The following RFWD3 variants were observed in gnomAD, a reference collection of about 807,000 sequenced individuals.
RFWD3 encodes ring finger and WD repeat domain 3.
In RFWD3, 65 loss-of-function variants were observed where a neutral mutation model predicts 87.7. That is an observed-to-expected ratio of 0.74 (90% confidence interval 0.61 to 0.91). The LOEUF is 0.91. Among genes scored for constraint, RFWD3 ranks in the 40% least tolerant of loss-of-function variants. The pLI is 0.00. For synonymous variants in RFWD3, 433 were observed against 352.8 expected (o/e 1.23, Z -2.55); for missense variants, 1,078 against 938.5 (o/e 1.15, Z -1.94).
intron 11 of RFWD3, among the ~76,000 whole-genome samples, chr16:74,627,630 G>T (rs1212969110): frequency 6.6e-6 from 1 of 152,146 alleles, no homozygotes; most frequent in East Asian, 1.9e-4. Flanking sequence ...CTATCTCAAG[G>T]GAAATGAACT....
At chr16:74,631,169 G>C (rs985978122) in intron 9 of RFWD3, among the ~76,000 whole-genome samples, 11 of 152,128 alleles carry the variant, frequency 7.2e-5, no homozygotes, top group African/African-American at 2.7e-4. Flanking sequence ...TTTTCCTCTT[G>C]AGTTCTAAGG....
rs987582997 is a variant in RFWD3 at position 74,656,352 on chromosome 16, G to C, written c.519-4230C>G. 4.2e-5 allele frequency among the ~76,000 whole-genome samples: 6 copies of C among 144,232 alleles called. No individual in the cohort carries two copies. In the South Asian group the frequency reaches 8.9e-4, roughly 21 times the overall value. 94.6% of individuals were successfully genotyped at this position (144,232 alleles called of 152,430 possible). A position where few individuals can be genotyped will look rare whatever the true frequency, so the allele number is the denominator to read the frequency against. ...AAAAAGAAAAGAAAAGAAATATTTTGTTGTGACTCTTAGCTGTGGGGAAAA... is the reference window on the plus strand; with the variant it reads ...AAAAAGAAAAGAAAAGAAATATTTTCTTGTGACTCTTAGCTGTGGGGAAAA... On this transcript the variant is annotated intron_variant, in intron 2 of 12. Transcript: ENST00000361070.
intron 9 of RFWD3, among the ~76,000 whole-genome samples, 188 bp downstream of exon 9, chr16:74,632,335 T>C (rs1959125000): frequency 1.3e-5 from 2 of 151,666 alleles, no homozygotes; most frequent in South Asian, 4.2e-4. Context: ...GAGCTTGCAG[T>C]GAGCCGAGAT....
At position 74,637,915 on chromosome 16, in the gene RFWD3, A is replaced by G. The variant is rs1445586470; in HGVS notation, c.1135T>C (p.Cys379Arg). 4 of 1,612,804 alleles carry G rather than the reference A, an allele frequency of 2.5e-6. No homozygotes were observed. In the South Asian group the frequency reaches 4.4e-5, roughly 18 times the overall value. Residue 379 changes from cysteine to arginine, a missense_variant, in exon 7 of 13, where the codon TGC becomes CGC. Cys to Arg is a radical substitution (Grantham distance 180). Coordinates refer to ENST00000361070, the MANE Select transcript of RFWD3 (RefSeq NM_018124.4). The part of the protein sequence containing the change: ...RKQAELESAQ[C>R]RLQLQVLTDK... The stretch of plus-strand genomic sequence containing the variant: ...GTGAGGACCTGCAGTTGGAGTCGGC[A>G]CTGTGCTGATTCTAACTCGGCCTGT...
At position 74,623,386 on chromosome 16, in the gene RFWD3, T is replaced by C. The variant is rs536749558; in HGVS notation, c.*542A>G. The C allele has an allele frequency of 6.5e-5, 10 of 152,786 alleles. No individual in the cohort carries two copies. The highest frequency in any genetic ancestry group is 2.2e-4 in the African/African-American group (9 of 41,450). 9.5% of individuals were successfully genotyped at this position (152,786 alleles called of 1,614,324 possible). On this transcript the variant is annotated 3_prime_UTR_variant, in exon 13 of 13. Transcript: ENST00000361070. Reference sequence around the variant, plus strand: ...GGAGATGAGACAAGTTACTAAAAGATTGTCAGCCTTCAAGGTCAGAAATAA... The same window carrying C: ...GGAGATGAGACAAGTTACTAAAAGACTGTCAGCCTTCAAGGTCAGAAATAA...
At chr16:74,666,107 G>A (rs921667045) in intron 1 of RFWD3, among the ~76,000 whole-genome samples, 1 of 152,018 alleles carries the variant, frequency 6.6e-6, no homozygotes, top group African/African-American at 2.4e-5. Context: ...AAGGGAGAGA[G>A]GGAAAGAAGG....
At chr16:74,633,702 C>T (rs1959168403) in intron 8 of RFWD3, among the ~76,000 whole-genome samples, 1 of 152,150 alleles carries the variant, frequency 6.6e-6, no homozygotes, top group African/African-American at 2.4e-5. Context: ...GTAATCCCAG[C>T]ACTTTGGGAG....
chr16:74,621,548 A>T lies in RFWD3; in HGVS notation c.*2380T>A, dbSNP rs1958767813. On this transcript the variant is annotated 3_prime_UTR_variant, in exon 13 of 13. Coordinates refer to ENST00000361070, the MANE Select transcript of RFWD3 (RefSeq NM_018124.4). ...AGACATTTTGAGTTCGTTTAACTCC[A>T]AATCCTCAAGTGGGGAAAAAAACTT... 1 of 152,204 alleles carries T rather than the reference A, an allele frequency of 6.6e-6. No individual in the cohort carries two copies. Among genetic ancestry groups the T allele is most frequent in the African/African-American group, 2.4e-5 (1 of 41,448 alleles). The allele number at this position is 152,204 out of a possible 1,614,324, so 9.4% of individuals were successfully genotyped here.
At position 74,661,382 on chromosome 16, in the gene RFWD3, G is replaced by C. The variant is rs367986631; in HGVS notation, c.68C>G (p.Pro23Arg). Reference protein sequence around the residue: ...QLNHAEQQPAPAGMASSQGGP... With the variant: ...QLNHAEQQPARAGMASSQGGP... ...CCCTTGGCTGCTGGCCATGCCAGCA[G>C]GAGCTGGCTGTTGTTCGGCATGATT... Residue 23 changes from proline (P) to arginine (R), a missense_variant, in exon 2 of 13, where the codon CCT (proline) becomes CGT (arginine). Transcript: ENST00000361070. The C allele has an allele frequency of 3.7e-6, 6 of 1,614,022 alleles. No individual in the cohort carries two copies. In the East Asian group the frequency reaches 8.9e-5, roughly 24 times the overall value.
rs777137273 is a variant in RFWD3 at position 74,628,573 on chromosome 16, T to C, written c.1848A>G (p.Ser616=). The C allele has an allele frequency of 1.2e-6, 2 of 1,614,128 alleles. No homozygotes were observed. The change falls in exon 11 of 13, where the codon TCA becomes TCG. Residue 616 remains serine, a synonymous_variant. Coordinates refer to ENST00000361070, the MANE Select transcript of RFWD3 (RefSeq NM_018124.4). The part of the protein sequence containing the change: ...GVLAGTLEDA[S]FWEQKMDFSH... ...AAAAGTCCATTTTCTGTTCCCAGAA[T>C]GAAGCATCCTCCAAGGTTCCAGCCA...
rs747052087 is a variant in RFWD3, at chr16:74,628,547, G to A, written c.1874C>T (p.Ser625Phe). ...ASFWEQKMDF[S>F]HWPHVLPLEP... ...CAAGGGCAGCACATGAGGCCAATGAGAAAAGTCCATTTTCTGTTCCCAGAA... is the reference window on the plus strand; with the variant it reads ...CAAGGGCAGCACATGAGGCCAATGAAAAAAGTCCATTTTCTGTTCCCAGAA... The change falls in exon 11 of 13, where the codon TCT (serine) becomes TTT (phenylalanine). Residue 625 changes from serine (S) to phenylalanine (F), a missense_variant. Transcript: ENST00000361070. The A allele has an allele frequency of 3.1e-6, 5 of 1,614,184 alleles. No homozygotes were observed. Among genetic ancestry groups the A allele is most frequent in the Non-Finnish European group, 4.2e-6 (5 of 1,180,036 alleles).
intron 3 of RFWD3, among the ~76,000 whole-genome samples, chr16:74,649,555 T>C (rs1178080831): frequency 6.6e-6 from 1 of 152,214 alleles, no homozygotes; most frequent in Non-Finnish European, 1.5e-5. Flanking sequence ...TAAAATGTCA[T>C]TATACTTGCA....
chr16:74,657,363 T>C (rs1485842916), intron 2 of RFWD3, among the ~76,000 whole-genome samples: 3 of 152,198 alleles, frequency 2.0e-5, no homozygotes, highest in Non-Finnish European at 4.4e-5. Context: ...GTTTCCTGAA[T>C]TATGAAAAAG....
At chr16:74,632,488 A>G (rs780771060) in intron 9 of RFWD3, 35 bp downstream of exon 9, 33 of 1,609,764 alleles carry the variant, frequency 2.0e-5, no homozygotes, top group Non-Finnish European at 2.8e-5. Context: ...AACACCAAAG[A>G]GCCCAGTCTC....
chr16:74,628,468 A>G lies in RFWD3; in HGVS notation c.1953T>C (p.Leu651=), dbSNP rs981646585. ...FQTENSSRHC[L]VTYRPDKNHT... is the part of the protein sequence containing the mutation. ...ACTACTTACCAGGCCTGTAGGTCACAAGACAGTGCCGGGAGCTGTTCTCTG... is the reference window on the plus strand; with the variant it reads ...ACTACTTACCAGGCCTGTAGGTCACGAGACAGTGCCGGGAGCTGTTCTCTG... Residue 651 remains leucine (L), a synonymous_variant, in exon 11 of 13, where the codon CTT becomes CTC. Transcript: ENST00000361070. 5 of 1,613,984 alleles carry G rather than the reference A, an allele frequency of 3.1e-6. No individual in the cohort carries two copies. The African/African-American group carries it at 6.7e-5, about 22-fold the overall frequency.
chr16:74,646,091 G>C (rs1960119502), intron 4 of RFWD3, among the ~76,000 whole-genome samples: 1 of 152,162 alleles, frequency 6.6e-6, no homozygotes, highest in Non-Finnish European at 1.5e-5. Context: ...ATTGTTCCAA[G>C]CAGGCCAGGT....
intron 12 of RFWD3, among the ~76,000 whole-genome samples, chr16:74,626,085 G>C (rs952456351): frequency 4.6e-5 from 7 of 152,154 alleles, no homozygotes; most frequent in African/African-American, 1.7e-4. Flanking sequence ...TACTCAGGAG[G>C]CTGAGGCAGG....
Position 74,636,456 on chromosome 16 carries a change from T to A in RFWD3, c.1316A>T (p.Gln439Leu). 6.2e-7 allele frequency: 1 copy of A among 1,614,184 alleles called. No homozygotes were observed. The highest frequency in any genetic ancestry group is 8.5e-7 in the Non-Finnish European group (1 of 1,180,036). ...QGQHKHKYHF[Q>L]KTFTVSQAGN... ...TGCCTGAGATACTGTGAAGGTCTTT[T>A]GGAAGTGGTACTTGTGCTTGTGCTG... Residue 439 changes from glutamine (Q) to leucine (L), a missense_variant, in exon 8 of 13, where the codon CAA becomes CTA. Gln to Leu is a moderately radical substitution (Grantham distance 113). Transcript: ENST00000361070.
Position 74,661,350 on chromosome 16 carries a change from C to A in RFWD3, c.100G>T (p.Ala34Ser). The change falls in exon 2 of 13, where the codon GCC (alanine) becomes TCC (serine). Residue 34 changes from alanine (A) to serine (S), a missense_variant. By Grantham distance (99) the Ala-to-Ser change is moderately conservative (BLOSUM62 1). Coordinates refer to ENST00000361070, the MANE Select transcript of RFWD3 (RefSeq NM_018124.4). Reference sequence around the variant, plus strand: ...TCAGCAGGAACAGGCTGGAGGAGGGCTGGTCCCCCTTGGCTGCTGGCCATG... The same window carrying A: ...TCAGCAGGAACAGGCTGGAGGAGGGATGGTCCCCCTTGGCTGCTGGCCATG... ...AGMASSQGGP[A>S]LLQPVPADVV... 6.2e-7 allele frequency: 1 copy of A among 1,614,064 alleles called. No homozygotes were observed. Among genetic ancestry groups the A allele is most frequent in the South Asian group, 1.1e-5 (1 of 91,074 alleles).
Sources: gnomAD v4.1 joint callset for allele counts (sites outside exome capture counted in the v4.1 genomes callset) on GRCh38, gnomAD v4.1.1 for gene constraint, MANE v1.5 for transcripts, NCBI Gene and HGNC (gene_info 2026-07-23, HGNC 2026-07-21) for gene names.